The following ADAM32 variants were observed in gnomAD, a reference collection of about 807,000 sequenced individuals.
The protein encoded by ADAM32 is disintegrin and metalloproteinase domain-containing protein 32.
In ADAM32, 89 loss-of-function variants were observed where a neutral mutation model predicts 114.9. The observed-to-expected ratio is 0.77, with a 90% CI of 0.65 to 0.92. ADAM32 has a LOEUF of 0.92. Among genes scored for constraint, ADAM32 ranks in the 40% least tolerant of loss-of-function variants. The probability of loss-of-function intolerance (pLI) is 0.00; values close to 1 mark genes in which losing one functional copy is unlikely to be tolerated. For synonymous variants in ADAM32, 285 were observed against 307.5 expected (o/e 0.93, Z 0.77); for missense variants, 870 against 932.8 (o/e 0.93, Z 0.88).
chr8:39,245,792 C>A (rs551068585), intron 16 of ADAM32, among the ~76,000 whole-genome samples: 1 of 152,188 alleles, frequency 6.6e-6, no homozygotes, highest in Non-Finnish European at 1.5e-5. Flanking sequence ...TGCTAAAACT[C>A]TCTTATTATT....
intron 1 of ADAM32, chr8:39,108,240 G>T (rs1278957873): frequency 6.3e-6 from 1 of 159,086 alleles, no homozygotes; most frequent in African/African-American, 2.4e-5. Context: ...AGCCAAGATC[G>T]CCCCCACTGG....
intron 10 of ADAM32, among the ~76,000 whole-genome samples, chr8:39,180,910 A>G (rs1265122646): frequency 6.6e-6 from 1 of 152,196 alleles, no homozygotes; most frequent in Non-Finnish European, 1.5e-5. Context: ...CTCTGTATCT[A>G]GCTGCTCTGG....
At chr8:39,163,767 A>G (rs1197449070) in intron 7 of ADAM32, among the ~76,000 whole-genome samples, 1 of 152,232 alleles carries the variant, frequency 6.6e-6, no homozygotes, top group Non-Finnish European at 1.5e-5. Context: ...TCACTAAAGT[A>G]GTGAAAATAT....
At chr8:39,137,838 A>T (rs1003019518) in intron 3 of ADAM32, among the ~76,000 whole-genome samples, 1 of 152,236 alleles carries the variant, frequency 6.6e-6, no homozygotes, top group African/African-American at 2.4e-5. Context: ...TTTCCCAAAG[A>T]AAAGGTTAAC....
intron 3 of ADAM32, among the ~76,000 whole-genome samples, chr8:39,144,659 A>G (rs1249465913): frequency 9.6e-4 from 2 of 2,084 alleles, no homozygotes; most frequent in Admixed American, 0.03. Context: ...ATATACCTTA[A>G]CACAAAAATG....
intron 12 of ADAM32, among the ~76,000 whole-genome samples, chr8:39,218,449 T>G (rs1035931431): frequency 3.9e-5 from 6 of 152,290 alleles, no homozygotes; most frequent in Middle Eastern, 3.4e-3. Flanking sequence ...TCCTCCCCTT[T>G]AGGGAGCAAG....
At chr8:39,107,637 A>AGCACCCCGTCTCCGGGGCCTCC (rs1839977551), upstream of ADAM32, 1 of 1,485,794 alleles carries the variant, frequency 6.7e-7, no homozygotes, top group Admixed American at 2.3e-5. Context: ...AAACACCGAG[A>AGCACCCCGTCTCCGGGGCCTCC]GCACCCCGTC....
chr8:39,168,823 C>T lies in ADAM32; in HGVS notation c.834-1093C>T, dbSNP rs1039304568. 14 of 151,952 alleles carry T rather than the reference C, an allele frequency of 9.2e-5. No individual in the cohort carries two copies. In the East Asian group the frequency reaches 1.5e-3, roughly 17 times the overall value. 9.4% of individuals were successfully genotyped at this position (151,952 alleles called of 1,614,324 possible). A position where few individuals can be genotyped will look rare whatever the true frequency, so the allele number is the denominator to read the frequency against. Reference sequence around the variant, plus strand: ...CAACTGATTTGATGTGGAGTGGGCACGTCAAAAGGTGTCAGTATGAGGTAA... The same window carrying T: ...CAACTGATTTGATGTGGAGTGGGCATGTCAAAAGGTGTCAGTATGAGGTAA... On this transcript the variant is annotated intron_variant, in intron 9 of 24. Coordinates refer to ENST00000379907, the MANE Select transcript of ADAM32 (RefSeq NM_145004.7).
chr8:39,191,519 T>C (rs1049454937), intron 11 of ADAM32, among the ~76,000 whole-genome samples: 4 of 152,240 alleles, frequency 2.6e-5, no homozygotes, highest in Non-Finnish European at 4.4e-5. Context: ...TGGAGCTTTT[T>C]TTCATATGCT....
intron 23 of ADAM32, among the ~76,000 whole-genome samples, chr8:39,282,459 G>A (rs1429618391): frequency 1.3e-5 from 2 of 152,080 alleles, no homozygotes; most frequent in South Asian, 2.1e-4. Context: ...ACTAGATTGA[G>A]GGATAGACAA....
intron 1 of ADAM32, among the ~76,000 whole-genome samples, chr8:39,116,061 T>G (rs1322166631): frequency 6.6e-6 from 1 of 152,208 alleles, no homozygotes; most frequent in Non-Finnish European, 1.5e-5. Context: ...GTGGCTTTAT[T>G]TCTGAGTTTT....
At chr8:39,165,221 TA>T in intron 9 of ADAM32, 25 bp downstream of exon 9, 1 of 1,412,424 alleles carries the variant, frequency 7.1e-7, no homozygotes, top group Non-Finnish European at 9.5e-7. Flanking sequence ...TCATTATTCC[TA>T]GAAAGAAAAC....
intron 2 of ADAM32, chr8:39,129,942 T>A (rs1461133799): frequency 8.1e-6 from 3 of 368,848 alleles, no homozygotes; most frequent in Non-Finnish European, 1.6e-5. Context: ...CATAAAATTG[T>A]ACATCACATT....
intron 17 of ADAM32, among the ~76,000 whole-genome samples, chr8:39,253,334 TAATG>T (rs1456365171): frequency 6.6e-6 from 1 of 151,622 alleles, no homozygotes; most frequent in African/African-American, 2.4e-5. Context: ...AATGGTGAAA[TAATG>T]AACGCCTTTA....
At chr8:39,228,297 T>G (rs1809524435) in intron 14 of ADAM32, among the ~76,000 whole-genome samples, 1 of 152,052 alleles carries the variant, frequency 6.6e-6, no homozygotes, top group African/African-American at 2.4e-5. Flanking sequence ...AAAATCACAC[T>G]AGTTCACGAG....
chr8:39,274,380 A>G, intron 21 of ADAM32, 30 bp downstream of exon 21: 2 of 1,597,024 alleles, frequency 1.3e-6, no homozygotes, highest in Non-Finnish European at 1.7e-6. Flanking sequence ...TTTTTAAGAT[A>G]CATGTTGAAA....
chr8:39,184,416 G>T (rs1176167256), intron 10 of ADAM32, among the ~76,000 whole-genome samples: 1 of 152,144 alleles, frequency 6.6e-6, no homozygotes, highest in East Asian at 1.9e-4. Context: ...ATAATAGTAG[G>T]ACATATCTGA....
intron 2 of ADAM32, among the ~76,000 whole-genome samples, chr8:39,135,079 C>T (rs1292786250): frequency 7.2e-5 from 11 of 151,952 alleles, no homozygotes; most frequent in African/African-American, 2.2e-4. Flanking sequence ...CACTTGAACC[C>T]GGGAGGCAGA....
intron 19 of ADAM32, among the ~76,000 whole-genome samples, chr8:39,267,332 A>G (rs1812431880): frequency 6.6e-6 from 1 of 152,190 alleles, no homozygotes; most frequent in Non-Finnish European, 1.5e-5. Context: ...AAATGAGATC[A>G]TATGATTGTA....
Sources: allele counts gnomAD v4.1 joint callset (sites outside exome capture counted in the v4.1 genomes callset), GRCh38; gene constraint gnomAD v4.1.1; transcripts MANE v1.5; gene names NCBI Gene and HGNC (gene_info 2026-07-23, HGNC 2026-07-21).